Variants in SLC12A2 observed in about 807,000 individuals in gnomAD.
SLC12A2 encodes Na-K-2Cl cotransporter 1.
SLC12A2 carries 67 observed loss-of-function variants against 136.3 expected under a neutral mutation model. The observed-to-expected ratio is 0.49, with a 90% CI of 0.40 to 0.60. The LOEUF (loss-of-function observed/expected upper bound fraction) is 0.60, where lower values mean the gene tolerates loss of function less well. SLC12A2 is among the 20% of genes least tolerant of loss of function. The probability of loss-of-function intolerance (pLI) is 0.00; values close to 1 mark genes in which losing one functional copy is unlikely to be tolerated. For missense variants in SLC12A2, 1,322 were observed against 1,534.7 expected (o/e 0.86, Z 2.32); for synonymous variants, 619 against 562.9 (o/e 1.10, Z -1.41).
chr5:128,131,610 A>G (rs1336514383), intron 5 of SLC12A2, among the ~76,000 whole-genome samples: 4 of 150,622 alleles, frequency 2.7e-5, no homozygotes, highest in African/African-American at 4.9e-5. Flanking sequence ...AGGCTGAGGC[A>G]GGAGAATGGT....
intron 1 of SLC12A2, among the ~76,000 whole-genome samples, chr5:128,096,330 A>G (rs768402570): frequency 4.6e-5 from 7 of 152,120 alleles, no homozygotes; most frequent in Non-Finnish European, 1.0e-4. Flanking sequence ...CAGACATACA[A>G]GTACTAAGTG....
intron 1 of SLC12A2, chr5:128,109,670 T>G: frequency 5.3e-6 from 5 of 950,790 alleles, no homozygotes; most frequent in Non-Finnish European, 6.9e-6. Flanking sequence ...TAGCTTCACA[T>G]CTTCTCCAGG....
chr5:128,093,015 G>A (rs1032518571), intron 1 of SLC12A2, among the ~76,000 whole-genome samples: 7 of 152,094 alleles, frequency 4.6e-5, no homozygotes, highest in Non-Finnish European at 7.4e-5. Flanking sequence ...TATAATTGCC[G>A]TCTTTCCTTC....
At chr5:128,141,249 C>T (rs2126711570) in intron 9 of SLC12A2, among the ~76,000 whole-genome samples, 1 of 152,292 alleles carries the variant, frequency 6.6e-6, no homozygotes, top group East Asian at 1.9e-4. Flanking sequence ...CTTGTTTCAT[C>T]TATACCCAAG....
intron 1 of SLC12A2, chr5:128,109,638 A>G (rs1446969173): frequency 2.5e-6 from 2 of 792,562 alleles, no homozygotes; most frequent in Admixed American, 1.7e-5. Flanking sequence ...TTCTATATTC[A>G]GACAGTGGAT....
chr5:128,172,831 A>G (rs1763419890), intron 19 of SLC12A2, among the ~76,000 whole-genome samples: 1 of 152,000 alleles, frequency 6.6e-6, no homozygotes, highest in Admixed American at 6.6e-5. Flanking sequence ...CATGCTTGTA[A>G]TCCCAGATGT....
intron 16 of SLC12A2, among the ~76,000 whole-genome samples, chr5:128,159,554 A>G (rs1023142534): frequency 4.6e-5 from 7 of 152,224 alleles, no homozygotes; most frequent in East Asian, 1.9e-4. Context: ...AAACAAATTT[A>G]CAAGAAAAAA....
intron 17 of SLC12A2, among the ~76,000 whole-genome samples, chr5:128,164,382 C>A (rs937635582): frequency 6.6e-6 from 1 of 152,148 alleles, no homozygotes; most frequent in Non-Finnish European, 1.5e-5. Context: ...CATGACAACT[C>A]TATCAGTGTG....
Position 128,138,895 on chromosome 5 carries a change from T to A in SLC12A2, c.1608T>A (p.Ile536=). 6.2e-7 allele frequency: 1 copy of A among 1,609,896 alleles called. No homozygotes were observed. The highest frequency in any genetic ancestry group is 8.5e-7 in the Non-Finnish European group (1 of 1,176,514). ...ILITTLVYVG[I]AVSVGSCVVR... Reference sequence around the variant, plus strand: ...TTACTACATTGGTTTACGTAGGAATTGCAGTATCTGTAGGTAAATAGTTTC... The same window carrying A: ...TTACTACATTGGTTTACGTAGGAATAGCAGTATCTGTAGGTAAATAGTTTC... Residue 536 remains isoleucine, a synonymous_variant, in exon 9 of 27, where the codon ATT becomes ATA. Transcript: ENST00000262461.
At chr5:128,137,131 T>C (rs1057185378) in intron 7 of SLC12A2, among the ~76,000 whole-genome samples, 2 of 152,222 alleles carry the variant, frequency 1.3e-5, no homozygotes, top group African/African-American at 4.8e-5. Context: ...TAATAGTATA[T>C]GTCATTTGCG....
At chr5:128,094,238 C>A (rs1760440279) in intron 1 of SLC12A2, among the ~76,000 whole-genome samples, 1 of 150,230 alleles carries the variant, frequency 6.7e-6, no homozygotes, top group Non-Finnish European at 1.5e-5. Context: ...CTAGTATAGG[C>A]CTGACACAGT....
intron 4 of SLC12A2, among the ~76,000 whole-genome samples, chr5:128,124,243 T>C (rs947132904): frequency 6.6e-6 from 1 of 152,194 alleles, no homozygotes; most frequent in African/African-American, 2.4e-5. Flanking sequence ...GTGTGGGTTT[T>C]CCCCACACAA....
At position 128,084,479 on chromosome 5, in the gene SLC12A2, G is replaced by A. The variant is rs1401739406; in HGVS notation, c.525G>A (p.Gly175=). Residue 175 remains glycine (G), a synonymous_variant, in exon 1 of 27, where the codon GGG becomes GGA. Coordinates refer to ENST00000262461, the MANE Select transcript of SLC12A2 (RefSeq NM_001046.3). This position sits in a 1 kb window ranked among gnomAD's most constrained non-coding sequence, Gnocchi z 5.6. ...CCAACGTGAGCTTCCAGAACGGCGG[G>A]GACACGGTGCTGAGCGAGGGCAGCA... ...DGPNVSFQNG[G]DTVLSEGSSL... 3.1e-6 allele frequency: 5 copies of A among 1,610,362 alleles called. No individual in the cohort carries two copies. Among genetic ancestry groups the A allele is most frequent in the African/African-American group, 1.3e-5 (1 of 74,842 alleles).
At chr5:128,110,373 C>T (rs1761097824) in intron 1 of SLC12A2, 1 of 979,486 alleles carries the variant, frequency 1.0e-6, no homozygotes, top group Admixed American at 1.7e-5. Flanking sequence ...TAACACGGGT[C>T]CTCCCTGGGA....
intron 1 of SLC12A2, among the ~76,000 whole-genome samples, chr5:128,104,670 G>GATATAT (rs1460705332): frequency 2.3e-5 from 3 of 128,612 alleles, no homozygotes; most frequent in African/African-American, 1.1e-4. Flanking sequence ...TAGATATATA[G>GATATAT]ATATATAGAT....
chr5:128,168,905 T>C (rs1763285325), intron 18 of SLC12A2: 1 of 152,196 alleles, frequency 6.6e-6, no homozygotes, highest in South Asian at 2.1e-4. Flanking sequence ...GGACCCTTGG[T>C]ATAGTGCGTT....
intron 1 of SLC12A2, among the ~76,000 whole-genome samples, chr5:128,111,363 A>G (rs1761137875): frequency 6.6e-6 from 1 of 152,176 alleles, no homozygotes; most frequent in African/African-American, 2.4e-5. Flanking sequence ...GAATTGAGTG[A>G]GTCTATTTGG....
Position 128,157,356 on chromosome 5 carries a change from C to T in SLC12A2, c.2364-697C>T, listed in dbSNP as rs114825648. ...AAGGCATGCCACTGTCTCACATTTG[C>T]AAAGGCAATTGAATTCTGTTTTGGC... On this transcript the variant is annotated intron_variant, in intron 15 of 26. Transcript: ENST00000262461. Among the ~76,000 whole-genome samples the T allele has an allele frequency of 2.7e-3, 410 of 152,232 alleles. 1 individual carries two copies. The highest frequency in any genetic ancestry group is 9.6e-3 in the African/African-American group (399 of 41,536).
At position 128,135,815 on chromosome 5, in the gene SLC12A2, A is replaced by T. The variant is rs777542577; in HGVS notation, c.1408+7A>T. 31 of 1,463,414 alleles carry T rather than the reference A, an allele frequency of 2.1e-5. No homozygotes were observed. The highest frequency in any genetic ancestry group is 4.2e-5 in the African/African-American group (3 of 71,524). 90.7% of individuals were successfully genotyped at this position (1,463,414 alleles called of 1,614,324 possible). On this transcript the variant is annotated splice_region_variant and intron_variant, in intron 7 of 26. Transcript: ENST00000262461. ...GGGTTTTTTGGTTATAAATGTAAGTAAAAAAGATTCAATATTTTTTAAGGG... is the reference window on the plus strand; with the variant it reads ...GGGTTTTTTGGTTATAAATGTAAGTTAAAAAGATTCAATATTTTTTAAGGG...
Sources: allele counts gnomAD v4.1 joint callset (sites outside exome capture counted in the v4.1 genomes callset), GRCh38; gene constraint gnomAD v4.1.1; non-coding constraint Gnocchi (gnomAD v3.1); transcripts MANE v1.5; gene names NCBI Gene and HGNC (gene_info 2026-07-23, HGNC 2026-07-21).